The following ANKRD11 variants were observed in gnomAD, a reference collection of about 807,000 sequenced individuals.
ANKRD11 encodes ankyrin repeat domain-containing protein 11.
Under a neutral mutation model 195.7 loss-of-function variants are expected in ANKRD11, and 17 were observed. The observed-to-expected ratio is 0.09, with a 90% CI of 0.06 to 0.13. The LOEUF is 0.13. Ranked by LOEUF, ANKRD11 falls within the 10% of genes least tolerant of loss-of-function variation. The pLI is 1.00. For missense variants in ANKRD11, 3,735 were observed against 3,566.1 expected (o/e 1.05, Z -1.21); for synonymous variants, 1,953 against 1,528.1 (o/e 1.28, Z -6.49).
chr16:89,275,239 G>A, intron 9 of ANKRD11, 48 bp from the exon 10 acceptor site: 4 of 1,506,100 alleles, frequency 2.7e-6, no homozygotes, highest in Non-Finnish European at 3.6e-6. Flanking sequence ...CTGTGGAACT[G>A]CACGAAGGAT....
At chr16:89,313,178 A>T (rs2036711541) in intron 3 of ANKRD11, 1 of 884,092 alleles carries the variant, frequency 1.1e-6, no homozygotes, top group African/African-American at 1.8e-5. Context: ...CACCAAGTGA[A>T]GCTCAGGGGG....
intron 2 of ANKRD11, among the ~76,000 whole-genome samples, chr16:89,372,566 T>C (rs373662024): frequency 1.3e-5 from 2 of 152,026 alleles, no homozygotes; most frequent in African/African-American, 4.8e-5. Flanking sequence ...ATGTTGGAGA[T>C]TTACTAAAAT....
intron 2 of ANKRD11, among the ~76,000 whole-genome samples, chr16:89,371,650 G>A (rs190858412): frequency 1.3e-5 from 2 of 152,276 alleles, no homozygotes. Flanking sequence ...GGAGGGGTGT[G>A]GAGGGCGATG....
intron 2 of ANKRD11, among the ~76,000 whole-genome samples, chr16:89,384,495 A>G (rs1161093964): frequency 6.6e-6 from 1 of 151,016 alleles, no homozygotes; most frequent in African/African-American, 2.4e-5. Flanking sequence ...GACGAGATGG[A>G]AATGGGACAG....
chr16:89,374,601 C>T (rs1049482982), intron 2 of ANKRD11, among the ~76,000 whole-genome samples: 6 of 152,236 alleles, frequency 3.9e-5, no homozygotes, highest in Admixed American at 6.5e-5. Flanking sequence ...TACAGAGCAA[C>T]CTCAGGAGAG....
intron 1 of ANKRD11, among the ~76,000 whole-genome samples, chr16:89,429,846 C>T (rs375950282): frequency 3.8e-5 from 2 of 53,162 alleles, no homozygotes; most frequent in Admixed American, 1.9e-4. Context: ...ACAGCAGGGA[C>T]TCTCAACTCT....
intron 3 of ANKRD11, among the ~76,000 whole-genome samples, chr16:89,310,110 G>T (rs941314365): frequency 2.0e-5 from 3 of 152,254 alleles, no homozygotes; most frequent in Non-Finnish European, 4.4e-5. Flanking sequence ...TGGTAAGAAT[G>T]AGAGTCGTGT....
At chr16:89,471,437 C>T (rs1197396646) in intron 1 of ANKRD11, among the ~76,000 whole-genome samples, 1 of 152,092 alleles carries the variant, frequency 6.6e-6, no homozygotes, top group East Asian at 1.9e-4. Context: ...ATTCTCTTTG[C>T]TAGAGGCTGC....
intron 2 of ANKRD11, among the ~76,000 whole-genome samples, chr16:89,414,408 G>A (rs7185927): frequency 8.5e-5 from 13 of 152,266 alleles, no homozygotes; most frequent in African/African-American, 2.9e-4. Flanking sequence ...CGCGTGCTGG[G>A]GTCATCGGGG....
In ANKRD11 at chr16:89,280,289, A is replaced by T. The variant is rs551892331; in HGVS notation, c.6253T>A (p.Cys2085Ser). 2 of 1,601,886 alleles carry T rather than the reference A, an allele frequency of 1.2e-6. No homozygotes were observed. The highest frequency in any genetic ancestry group is 2.2e-5 in the South Asian group (2 of 90,628). Residue 2085 changes from cysteine (C) to serine (S), a missense_variant, in exon 9 of 13, where the codon TGT (cysteine) becomes AGT (serine). Physicochemically the swap from Cys to Ser is moderately radical, Grantham distance 112. Transcript: ENST00000301030. ...TCCACCTGAGCCACAGCGGCTACAC[A>T]GGCGGGCTCGGGGGCCACGTCCAGC... ...APLDVAPEPACVAAVAQVEAL... is the reference protein window; with the variant it reads ...APLDVAPEPASVAAVAQVEAL...
At chr16:89,472,588 T>C (rs2057124273) in intron 1 of ANKRD11, among the ~76,000 whole-genome samples, 1 of 152,186 alleles carries the variant, frequency 6.6e-6, no homozygotes, top group Non-Finnish European at 1.5e-5. Flanking sequence ...GGCACATTCA[T>C]GTGTCACTGC....
chr16:89,453,196 T>C (rs1222147950), intron 1 of ANKRD11, among the ~76,000 whole-genome samples: 1 of 152,226 alleles, frequency 6.6e-6, no homozygotes, highest in African/African-American at 2.4e-5. Context: ...TGCCCTGCCC[T>C]TCAGGGATTA....
At chr16:89,401,758 G>T (rs549008691) in intron 2 of ANKRD11, among the ~76,000 whole-genome samples, 42 of 152,110 alleles carry the variant, frequency 2.8e-4, no homozygotes, top group Non-Finnish European at 5.4e-4. Flanking sequence ...TTCTACAAAG[G>T]GCAGACGTGG....
rs955623303 is a variant in ANKRD11 at position 89,291,908 on chromosome 16, G to C, written c.227-725C>G. 1.9e-6 allele frequency: 1 copy of C among 529,528 alleles called. No individual in the cohort carries two copies. Among genetic ancestry groups the C allele is most frequent in the Admixed American group, 2.4e-5 (1 of 41,348 alleles). 32.8% of individuals were successfully genotyped at this position (529,528 alleles called of 1,614,324 possible). A position where few individuals can be genotyped will look rare whatever the true frequency, so the allele number is the denominator to read the frequency against. The stretch of plus-strand genomic sequence containing the variant: ...ACAGAACACTCGGCTGGCGTCTAAC[G>C]CAACTCACGTGCTGTGTCTTTTAAA... On this transcript the variant is annotated intron_variant, in intron 4 of 12. Coordinates refer to ENST00000301030, the MANE Select transcript of ANKRD11 (RefSeq NM_013275.6). This position sits in a 1 kb window ranked among gnomAD's most constrained non-coding sequence, Gnocchi z 5.3.
At chr16:89,275,043 C>A in intron 10 of ANKRD11, 50 bp downstream of exon 10, 1 of 1,612,742 alleles carries the variant, frequency 6.2e-7, no homozygotes, top group African/African-American at 1.3e-5. Context: ...GGGCCTGCGC[C>A]GTGAAAAGCC....
intron 1 of ANKRD11, among the ~76,000 whole-genome samples, chr16:89,465,623 C>T (rs890285174): frequency 6.6e-6 from 1 of 152,238 alleles, no homozygotes; most frequent in Non-Finnish European, 1.5e-5. Context: ...TGTCCACCAG[C>T]ACACGACTCC....
chr16:89,409,207 G>A (rs2042023866), intron 2 of ANKRD11, among the ~76,000 whole-genome samples: 1 of 152,184 alleles, frequency 6.6e-6, no homozygotes, highest in Non-Finnish European at 1.5e-5. Context: ...CACACCTGAT[G>A]ACAGCTTCCC....
At chr16:89,385,588 A>C (rs1050920429) in intron 2 of ANKRD11, among the ~76,000 whole-genome samples, 1 of 152,168 alleles carries the variant, frequency 6.6e-6, no homozygotes, top group Admixed American at 6.5e-5. Context: ...AGTGAGCAAG[A>C]AGACAGTCAC....
chr16:89,357,038 G>C (rs772713808), intron 2 of ANKRD11, among the ~76,000 whole-genome samples: 5 of 152,206 alleles, frequency 3.3e-5, no homozygotes, highest in African/African-American at 4.8e-5. Context: ...AGCCAGGCTT[G>C]ACATCTTTTA....
Sources: gnomAD v4.1 joint callset for allele counts (sites outside exome capture counted in the v4.1 genomes callset) on GRCh38, gnomAD v4.1.1 for gene constraint, Gnocchi (gnomAD v3.1) non-coding constraint, MANE v1.5 for transcripts, NCBI Gene and HGNC (gene_info 2026-07-23, HGNC 2026-07-21) for gene names.